The following GRIP1 variants were observed in gnomAD, a reference collection of about 807,000 sequenced individuals.
The protein encoded by GRIP1 is glutamate receptor-interacting protein 1.
Under a neutral mutation model 129.9 loss-of-function variants are expected in GRIP1, and 45 were observed. The observed-to-expected ratio is 0.35, with a 90% confidence interval of 0.27 to 0.44. The LOEUF (loss-of-function observed/expected upper bound fraction) is 0.44, where lower values mean the gene tolerates loss of function less well. Among genes scored for constraint, GRIP1 ranks in the 20% least tolerant of loss-of-function variants. The pLI, the probability that GRIP1 is intolerant of heterozygous loss-of-function variation, is 1.00. For missense variants in GRIP1, 1,196 were observed against 1,396.8 expected, an observed-to-expected ratio of 0.86 and a Z score of 2.29; for synonymous variants, 530 against 520.8, an observed-to-expected ratio of 1.02 and a Z score of -0.24.
At chr12:66,695,117 T>C (rs1383293013) in intron 1 of GRIP1, among the ~76,000 whole-genome samples, 1 of 152,200 alleles carries the variant, frequency 6.6e-6, no homozygotes, top group Non-Finnish European at 1.5e-5. Context: ...TGCAGTACGA[T>C]GTGTTAGATG....
chr12:66,576,954 G>A (rs1455438006), intron 2 of GRIP1, among the ~76,000 whole-genome samples: 12 of 152,132 alleles, frequency 7.9e-5, no homozygotes, highest in Non-Finnish European at 1.0e-4. Flanking sequence ...CATAATCTGC[G>A]TTGAGTATTA....
intron 1 of GRIP1, among the ~76,000 whole-genome samples, chr12:67,034,824 T>C (rs1183655711): frequency 6.6e-6 from 1 of 152,214 alleles, no homozygotes; most frequent in Non-Finnish European, 1.5e-5. Context: ...ACCACCATTG[T>C]TTATGCGGTC....
At chr12:66,912,144 T>C (rs2041040645) in intron 1 of GRIP1, among the ~76,000 whole-genome samples, 1 of 152,192 alleles carries the variant, frequency 6.6e-6, no homozygotes, top group Non-Finnish European at 1.5e-5. Flanking sequence ...GCATACTTAA[T>C]TTTATAAAAC....
chr12:66,729,942 A>G (rs148458732), intron 1 of GRIP1, among the ~76,000 whole-genome samples: 1 of 152,320 alleles, frequency 6.6e-6, no homozygotes, highest in African/African-American at 2.4e-5. Flanking sequence ...TATAGCATAT[A>G]TCTTAAGGAA....
intron 1 of GRIP1, among the ~76,000 whole-genome samples, chr12:66,642,514 T>A (rs2032024951): frequency 6.6e-6 from 1 of 152,066 alleles, no homozygotes; most frequent in Non-Finnish European, 1.5e-5. Flanking sequence ...GTCGGAGCCT[T>A]ATCCCCAGGA....
At chr12:66,434,893 G>A (rs970084445) in intron 13 of GRIP1, among the ~76,000 whole-genome samples, 1 of 152,236 alleles carries the variant, frequency 6.6e-6, no homozygotes, top group African/African-American at 2.4e-5. Context: ...GCCTGGCCTT[G>A]ACAGCCATTG....
chr12:66,925,586 G>A (rs1381018490), intron 1 of GRIP1, among the ~76,000 whole-genome samples: 1 of 152,084 alleles, frequency 6.6e-6, no homozygotes, highest in Non-Finnish European at 1.5e-5. Context: ...AATATACTAC[G>A]AATATAGATT....
chr12:66,393,048 CTG>C (rs1457615689), intron 17 of GRIP1, among the ~76,000 whole-genome samples: 1 of 151,678 alleles, frequency 6.6e-6, no homozygotes, highest in African/African-American at 2.4e-5. Flanking sequence ...TTAAAATGAA[CTG>C]TGTTTTTTAA....
At chr12:66,977,741 C>T (rs890222574) in intron 1 of GRIP1, among the ~76,000 whole-genome samples, 7 of 148,960 alleles carry the variant, frequency 4.7e-5, no homozygotes, top group Non-Finnish European at 1.0e-4. Context: ...TAAGATATAA[C>T]ACCCAAGTTT....
At chr12:66,446,003 C>T (rs1412415579) in intron 11 of GRIP1, among the ~76,000 whole-genome samples, 1 of 152,070 alleles carries the variant, frequency 6.6e-6, no homozygotes, top group African/African-American at 2.4e-5. Context: ...CTAAATCTGG[C>T]CCCTGGCGTG....
chr12:66,948,578 G>A (rs1349037775), intron 1 of GRIP1, among the ~76,000 whole-genome samples: 1 of 152,120 alleles, frequency 6.6e-6, no homozygotes, highest in East Asian at 1.9e-4. Context: ...AGGGGAGACA[G>A]ATATGTGGCA....
intron 1 of GRIP1, among the ~76,000 whole-genome samples, chr12:66,773,796 A>T (rs1641864350): frequency 6.6e-6 from 1 of 152,224 alleles, no homozygotes; most frequent in Admixed American, 6.5e-5. Flanking sequence ...AGAAAATATA[A>T]AAAGCAAACA....
intron 1 of GRIP1, among the ~76,000 whole-genome samples, chr12:67,033,271 G>GTGTATA (rs571378077): frequency 2.8e-5 from 4 of 143,032 alleles, no homozygotes; most frequent in Admixed American, 2.1e-4. Context: ...AAGACTACAT[G>GTGTATA]TATATATATA....
intron 1 of GRIP1, among the ~76,000 whole-genome samples, chr12:66,755,868 C>G (rs1351511041): frequency 6.6e-6 from 1 of 152,142 alleles, no homozygotes; most frequent in African/African-American, 2.4e-5. Context: ...GAGTGTGGTT[C>G]TTTTCTCCAG....
intron 1 of GRIP1, chr12:66,630,248 G>C (rs1346586291): frequency 6.6e-6 from 1 of 152,088 alleles, no homozygotes; most frequent in Non-Finnish European, 1.5e-5. Flanking sequence ...TACTTAGGAG[G>C]CTGAGGCACG....
chr12:66,901,503 AG>A (rs2040843497), intron 1 of GRIP1, among the ~76,000 whole-genome samples: 2 of 152,350 alleles, frequency 1.3e-5, no homozygotes, highest in Middle Eastern at 3.4e-3. Context: ...TTTTGACAAG[AG>A]GCTTTCTTGT....
chr12:66,506,380 GACA>G (rs2060527146), intron 7 of GRIP1, among the ~76,000 whole-genome samples: 1 of 152,120 alleles, frequency 6.6e-6, no homozygotes, highest in Non-Finnish European at 1.5e-5. Flanking sequence ...TATTGCTATA[GACA>G]ACAATATGAT....
chr12:66,651,664 G>A (rs748105421), intron 1 of GRIP1, among the ~76,000 whole-genome samples: 8 of 152,160 alleles, frequency 5.3e-5, no homozygotes, highest in East Asian at 3.9e-4. Flanking sequence ...ACTGTTTACC[G>A]GCACACTGGC....
At chr12:66,476,749 G>A (rs181938849) in intron 7 of GRIP1, among the ~76,000 whole-genome samples, 1,608 of 152,234 alleles carry the variant, frequency 0.011, 14 homozygotes, top group Middle Eastern at 0.017. Context: ...ACGTAATCCA[G>A]CATATAAACA....
Sources: gnomAD v4.1 joint callset for allele counts (sites outside exome capture counted in the v4.1 genomes callset) on GRCh38, gnomAD v4.1.1 for gene constraint, MANE v1.5 for transcripts, NCBI Gene and HGNC (gene_info 2026-07-23, HGNC 2026-07-21) for gene names.